Variants in ANKS1B observed in about 807,000 individuals in gnomAD.
ANKS1B encodes the protein ankyrin repeat and sterile alpha motif domain containing 1B, also known as ankyrin repeat and sterile alpha motif domain-containing protein 1B.
ANKS1B carries 36 observed loss-of-function variants against 148.3 expected under a neutral mutation model. The ratio of observed to expected loss-of-function variants is 0.24; its 90% CI spans 0.19 to 0.32. The LOEUF (loss-of-function observed/expected upper bound fraction) is 0.32. Among genes scored for constraint, ANKS1B ranks in the 10% least tolerant of loss-of-function variants. The probability of loss-of-function intolerance (pLI) is 1.00; values close to 1 mark genes in which losing one functional copy is unlikely to be tolerated. For missense variants in ANKS1B, 1,157 were observed against 1,542.6 expected, an observed-to-expected ratio of 0.75 and a Z score of 4.19; for synonymous variants, 542 against 560.8, an observed-to-expected ratio of 0.97 and a Z score of 0.47.
chr12:99,214,646 T>C (rs551800908), intron 14 of ANKS1B, among the ~76,000 whole-genome samples: 7 of 152,320 alleles, frequency 4.6e-5, no homozygotes, highest in Non-Finnish European at 8.8e-5. Context: ...CCCAGTCTCA[T>C]AGCAGTATGA....
chr12:99,094,329 T>G (rs2055158830), intron 15 of ANKS1B, among the ~76,000 whole-genome samples: 2 of 152,266 alleles, frequency 1.3e-5, no homozygotes, highest in Admixed American at 1.3e-4. Context: ...TTGTCTTGTT[T>G]GTTGTTCATG....
At chr12:99,820,200 C>T (rs1432055563) in intron 2 of ANKS1B, among the ~76,000 whole-genome samples, 14 of 151,860 alleles carry the variant, frequency 9.2e-5, no homozygotes, top group Admixed American at 4.6e-4. Flanking sequence ...CAGTAGAGTA[C>T]ATTTTCCATT....
chr12:98,827,800 A>G (rs960684102), intron 19 of ANKS1B, among the ~76,000 whole-genome samples: 3 of 152,204 alleles, frequency 2.0e-5, no homozygotes, highest in African/African-American at 7.2e-5. Flanking sequence ...CAGGGAAGAA[A>G]TGGGCTCAGA....
At chr12:99,918,856 G>A (rs945001144) in intron 1 of ANKS1B, among the ~76,000 whole-genome samples, 4 of 151,944 alleles carry the variant, frequency 2.6e-5, no homozygotes, top group Middle Eastern at 3.2e-3. Context: ...CTATAAACAC[G>A]CTCCTTAAAA....
rs563358000 is a variant in ANKS1B at position 99,180,270 on chromosome 12, T to G, written c.2420-25875A>C. Among the ~76,000 whole-genome samples, 9 of 152,322 alleles carry G rather than the reference T, an allele frequency of 5.9e-5. No individual in the cohort carries two copies. The South Asian group carries it at 1.9e-3, about 32-fold the overall frequency. On this transcript the variant is annotated intron_variant, in intron 14 of 26. Coordinates refer to ENST00000683438, the MANE Select transcript of ANKS1B (RefSeq NM_001352186.2). Reference sequence around the variant, plus strand: ...TTTAAACTTTTGATACTGTTAAAAATGTACATATACATTGCATATTTTTCA... The same window carrying G: ...TTTAAACTTTTGATACTGTTAAAAAGGTACATATACATTGCATATTTTTCA...
At chr12:99,484,108 T>C (rs2096454617) in intron 10 of ANKS1B, among the ~76,000 whole-genome samples, 2 of 152,046 alleles carry the variant, frequency 1.3e-5, no homozygotes, top group Non-Finnish European at 2.9e-5. Context: ...ATTTGTGCCC[T>C]TCCAGTTTTT....
intron 1 of ANKS1B, among the ~76,000 whole-genome samples, chr12:99,844,399 C>G (rs920129141): frequency 1.3e-5 from 2 of 151,988 alleles, no homozygotes; most frequent in Non-Finnish European, 2.9e-5. Context: ...TTTAATATAT[C>G]TTGAGTTGAT....
intron 14 of ANKS1B, among the ~76,000 whole-genome samples, chr12:99,195,723 A>G (rs1302047719): frequency 1.3e-5 from 2 of 152,280 alleles, no homozygotes; most frequent in Non-Finnish European, 2.9e-5. Flanking sequence ...AACAAAAGAA[A>G]GCTAAATGAC....
At position 98,744,190 on chromosome 12, in the gene ANKS1B, A is replaced by C. The variant is rs1029657388; in HGVS notation, c.*1549T>G. 4 of 977,912 alleles carry C rather than the reference A, an allele frequency of 4.1e-6. No homozygotes were observed. The African/African-American group carries it at 7.0e-5, about 17-fold the overall frequency. 60.6% of individuals were successfully genotyped at this position (977,912 alleles called of 1,614,324 possible). A position where few individuals can be genotyped will look rare whatever the true frequency, so the allele number is the denominator to read the frequency against. ...TTTGCTACATACATATCAACAGTGA[A>C]TAGGCAAAATATATACAAGGAACTG... On this transcript the variant is annotated 3_prime_UTR_variant, in exon 27 of 27. Transcript: ENST00000683438.
In ANKS1B at chr12:99,623,178, A is replaced by G. The variant is rs145820478; in HGVS notation, c.1272+31889T>C. Among the ~76,000 whole-genome samples the G allele has an allele frequency of 2.6e-5, 4 of 152,206 alleles. No homozygotes were observed. The East Asian group carries it at 7.7e-4, about 29-fold the overall frequency. On this transcript the variant is annotated intron_variant, in intron 9 of 26. Transcript: ENST00000683438. ...TATGGTCATCTCAATAGATGCAGAA[A>G]AAGCATTCAATAAAATCTAACATCT...
At chr12:99,972,540 C>T (rs569771145) in intron 1 of ANKS1B, among the ~76,000 whole-genome samples, 1 of 152,264 alleles carries the variant, frequency 6.6e-6, no homozygotes, top group African/African-American at 2.4e-5. Context: ...TCTTCAATTC[C>T]ATCAAGAGCT....
intron 8 of ANKS1B, among the ~76,000 whole-genome samples, chr12:99,671,242 G>C (rs1247365960): frequency 6.6e-6 from 1 of 152,122 alleles, no homozygotes; most frequent in African/African-American, 2.4e-5. Flanking sequence ...GTTTTGATTA[G>C]ACAACTCTTG....
chr12:99,353,776 C>T (rs2091694132), intron 12 of ANKS1B, among the ~76,000 whole-genome samples: 1 of 138,636 alleles, frequency 7.2e-6, no homozygotes, highest in Non-Finnish European at 1.5e-5. Context: ...GCTTCTAGGG[C>T]CAGGTCCCTT....
intron 6 of ANKS1B, among the ~76,000 whole-genome samples, chr12:99,776,148 A>G (rs1361981209): frequency 6.6e-6 from 1 of 152,232 alleles, no homozygotes; most frequent in East Asian, 1.9e-4. Flanking sequence ...ATCTTGTAAC[A>G]TAAGCATAAT....
intron 9 of ANKS1B, among the ~76,000 whole-genome samples, chr12:99,601,644 A>G (rs1236414108): frequency 6.6e-6 from 1 of 152,150 alleles, no homozygotes; most frequent in African/African-American, 2.4e-5. Flanking sequence ...AGAGAAAAGC[A>G]TAACAGGTTT....
chr12:98,918,382 T>C (rs190769830), intron 17 of ANKS1B, among the ~76,000 whole-genome samples: 4 of 152,310 alleles, frequency 2.6e-5, no homozygotes, highest in Admixed American at 1.3e-4. Context: ...ACACAGAAGA[T>C]ACAAGGCACA....
chr12:99,738,687 C>T (rs2153577963), intron 8 of ANKS1B, among the ~76,000 whole-genome samples: 1 of 152,236 alleles, frequency 6.6e-6, no homozygotes, highest in Admixed American at 6.5e-5. Flanking sequence ...TCTCACATCA[C>T]AGAATTGAAG....
intron 1 of ANKS1B, among the ~76,000 whole-genome samples, chr12:99,830,944 G>A (rs1223811205): frequency 6.6e-6 from 1 of 152,096 alleles, no homozygotes; most frequent in Admixed American, 6.6e-5. Context: ...CTGCTCAAAT[G>A]TCATCTCTTC....
intron 17 of ANKS1B, among the ~76,000 whole-genome samples, chr12:98,955,720 C>G (rs2099861075): frequency 6.6e-6 from 1 of 152,120 alleles, no homozygotes; most frequent in South Asian, 2.1e-4. Flanking sequence ...GCCTAAGCAA[C>G]TAGAAAGATG....
Sources: gnomAD v4.1 joint callset for allele counts (sites outside exome capture counted in the v4.1 genomes callset) on GRCh38, gnomAD v4.1.1 for gene constraint, MANE v1.5 for transcripts, NCBI Gene and HGNC (gene_info 2026-07-23, HGNC 2026-07-21) for gene names.